The following ATG10 variants were observed in gnomAD, a reference collection of about 807,000 sequenced individuals.
ATG10 encodes ubiquitin-like-conjugating enzyme ATG10.
Under a neutral mutation model 32.1 loss-of-function variants are expected in ATG10, and 30 were observed. The ratio of observed to expected loss-of-function variants is 0.94; its 90% CI spans 0.70 to 1.27. The LOEUF (loss-of-function observed/expected upper bound fraction) is 1.27, where lower values mean the gene tolerates loss of function less well. Among genes scored for constraint, ATG10 ranks in the 50% most tolerant of loss-of-function variants. ATG10 has a pLI of 0.00. For synonymous variants in ATG10, 87 were observed against 91.5 expected, an observed-to-expected ratio of 0.95 and a Z score of 0.28; for missense variants, 233 against 262.3, an observed-to-expected ratio of 0.89 and a Z score of 0.77.
At chr5:82,100,000 GTTTTTTTTTTTT>G (rs869311526) in intron 3 of ATG10, among the ~76,000 whole-genome samples, 10 of 58,956 alleles carry the variant, frequency 1.7e-4, no homozygotes, top group East Asian at 1.6e-3. Flanking sequence ...CTTTTTCTGT[GTTTTTTTTTTTT>G]TTTTTTTTTT....
At chr5:82,184,673 A>G (rs1298389983) in intron 5 of ATG10, among the ~76,000 whole-genome samples, 1 of 152,226 alleles carries the variant, frequency 6.6e-6, no homozygotes, top group Non-Finnish European at 1.5e-5. Context: ...ATTATATTTT[A>G]TAGCTGCATT....
At chr5:82,194,422 C>G (rs551854189) in intron 5 of ATG10, among the ~76,000 whole-genome samples, 2 of 152,298 alleles carry the variant, frequency 1.3e-5, no homozygotes, top group East Asian at 3.9e-4. Context: ...GCAGCTGACA[C>G]TGACTTGGGT....
At chr5:82,090,267 C>G (rs556771008) in intron 3 of ATG10, among the ~76,000 whole-genome samples, 1 of 152,064 alleles carries the variant, frequency 6.6e-6, no homozygotes, top group Non-Finnish European at 1.5e-5. Flanking sequence ...GGGCATCTAT[C>G]CCCGAGAAAT....
chr5:82,235,217 T>C (rs541342411), intron 5 of ATG10, among the ~76,000 whole-genome samples: 29 of 152,148 alleles, frequency 1.9e-4, no homozygotes, highest in Non-Finnish European at 4.1e-4. Context: ...AGCTAGCCTT[T>C]TCCCCTAGGG....
chr5:82,211,539 AT>A (rs1005805235), intron 5 of ATG10, among the ~76,000 whole-genome samples: 1 of 151,902 alleles, frequency 6.6e-6, no homozygotes, highest in Non-Finnish European at 1.5e-5. Context: ...ATTCTCTTTC[AT>A]TGAATATTTC....
At chr5:81,986,707 T>C (rs935105721) in intron 1 of ATG10, among the ~76,000 whole-genome samples, 1 of 152,054 alleles carries the variant, frequency 6.6e-6, no homozygotes, top group Non-Finnish European at 1.5e-5. Flanking sequence ...GCATCTAGAG[T>C]GTTTACTATG....
chr5:82,204,637 C>CTAGGATGATGG (rs1745211775), intron 5 of ATG10, among the ~76,000 whole-genome samples: 1 of 152,106 alleles, frequency 6.6e-6, no homozygotes, highest in Admixed American at 6.5e-5. Flanking sequence ...CCCAAACAAA[C>CTAGGATGATGG]TAGGATGATG....
At chr5:82,151,572 C>A (rs538951135) in intron 3 of ATG10, among the ~76,000 whole-genome samples, 7 of 151,220 alleles carry the variant, frequency 4.6e-5, no homozygotes, top group Non-Finnish European at 8.8e-5. Context: ...GTTAACATAG[C>A]TCTTACTTTT....
intron 5 of ATG10, among the ~76,000 whole-genome samples, chr5:82,189,888 G>T (rs1429836735): frequency 6.6e-6 from 1 of 152,158 alleles, no homozygotes; most frequent in East Asian, 1.9e-4. Flanking sequence ...GCCTCCCAAA[G>T]TGCTGGGATT....
chr5:82,065,772 G>A (rs937399014), intron 3 of ATG10, among the ~76,000 whole-genome samples: 29 of 152,030 alleles, frequency 1.9e-4, no homozygotes, highest in Admixed American at 1.3e-3. Context: ...TACATGAAAC[G>A]ATAATTTACA....
intron 3 of ATG10, among the ~76,000 whole-genome samples, chr5:82,119,872 C>T (rs547054000): frequency 1.2e-4 from 19 of 152,272 alleles, no homozygotes; most frequent in African/African-American, 4.6e-4. Flanking sequence ...GGTTCCTTTA[C>T]ATTCAAACAG....
chr5:82,052,320 C>T (rs1763457235), intron 2 of ATG10, among the ~76,000 whole-genome samples: 1 of 152,190 alleles, frequency 6.6e-6, no homozygotes, highest in Non-Finnish European at 1.5e-5. Context: ...GTGGCATAGC[C>T]CTATGACAGC....
intron 4 of ATG10, among the ~76,000 whole-genome samples, chr5:82,176,882 G>GA (rs1242712677): frequency 6.6e-6 from 1 of 152,132 alleles, no homozygotes. Flanking sequence ...GATACTTATT[G>GA]AAAATGTATC....
chr5:82,142,138 A>G (rs1334141491), intron 3 of ATG10, among the ~76,000 whole-genome samples: 1 of 152,198 alleles, frequency 6.6e-6, no homozygotes, highest in Non-Finnish European at 1.5e-5. Context: ...GAATTGCTTC[A>G]TGTCTATTGA....
intron 3 of ATG10, among the ~76,000 whole-genome samples, chr5:82,146,960 C>G (rs975357700): frequency 4.6e-5 from 7 of 152,156 alleles, no homozygotes; most frequent in South Asian, 2.1e-4. Context: ...GTTCAATTCT[C>G]TGTTCTTTCT....
intron 5 of ATG10, among the ~76,000 whole-genome samples, chr5:82,251,816 C>T (rs1747264254): frequency 6.6e-6 from 1 of 152,168 alleles, no homozygotes; most frequent in African/African-American, 2.4e-5. Flanking sequence ...ATGATGTCCA[C>T]GTCCCTAACT....
At chr5:82,194,565 C>A (rs1275351326) in intron 5 of ATG10, among the ~76,000 whole-genome samples, 1 of 152,056 alleles carries the variant, frequency 6.6e-6, no homozygotes, top group African/African-American at 2.4e-5. Flanking sequence ...AAAAAAAAGT[C>A]TTTTGATCTT....
At chr5:82,237,085 T>C (rs968592012) in intron 5 of ATG10, among the ~76,000 whole-genome samples, 1 of 152,160 alleles carries the variant, frequency 6.6e-6, no homozygotes, top group African/African-American at 2.4e-5. Context: ...CAGAAAATTA[T>C]TGGATCATAA....
intron 2 of ATG10, among the ~76,000 whole-genome samples, chr5:82,052,725 A>G (rs997642538): frequency 1.7e-4 from 26 of 152,306 alleles, no homozygotes; most frequent in African/African-American, 6.0e-4. Context: ...ATTTAAACAT[A>G]TGGTAGCATG....
Sources: gnomAD v4.1 joint callset for allele counts (sites outside exome capture counted in the v4.1 genomes callset) on GRCh38, gnomAD v4.1.1 for gene constraint, MANE v1.5 for transcripts, NCBI Gene and HGNC (gene_info 2026-07-23, HGNC 2026-07-21) for gene names.